Variants in PTPN21 observed in about 807,000 individuals in gnomAD.
PTPN21 encodes protein tyrosine phosphatase non-receptor type 21, also known as tyrosine-protein phosphatase non-receptor type 21.
In PTPN21, 77 loss-of-function variants were observed where a neutral mutation model predicts 131.8. The observed-to-expected ratio is 0.58, with a 90% confidence interval of 0.49 to 0.71. The LOEUF (loss-of-function observed/expected upper bound fraction) is 0.71, where lower values mean the gene tolerates loss of function less well. PTPN21 is among the 30% of genes least tolerant of loss of function. The pLI, the probability that PTPN21 is intolerant of heterozygous loss-of-function variation, is 0.00. For missense variants in PTPN21, 1,552 were observed against 1,527.1 expected (o/e 1.02, Z -0.27); for synonymous variants, 715 against 621.3 (o/e 1.15, Z -2.24).
intron 2 of PTPN21, among the ~76,000 whole-genome samples, chr14:88,537,078 T>C (rs755511012): frequency 9.2e-5 from 14 of 152,218 alleles, no homozygotes; most frequent in Non-Finnish European, 2.1e-4. Flanking sequence ...AAATAATATA[T>C]ATTTTACAGC....
At chr14:88,522,656 G>A (rs1310084858) in intron 2 of PTPN21, among the ~76,000 whole-genome samples, 1 of 152,050 alleles carries the variant, frequency 6.6e-6, no homozygotes, top group East Asian at 1.9e-4. Context: ...GTGAAAGCTA[G>A]CCAAAAATCA....
intron 13 of PTPN21, among the ~76,000 whole-genome samples, chr14:88,474,131 CAAAAAAAAAAAAAA>C (rs754719071): frequency 6.4e-4 from 30 of 46,680 alleles, no homozygotes; most frequent in Non-Finnish European, 7.3e-4. Context: ...AGCTGAAGTC[CAAAAAAAAAAAAAA>C]AAAAAAAAAA....
chr14:88,539,833 A>G lies in PTPN21; in HGVS notation c.180+10405T>C, dbSNP rs186232021. 7.9e-5 allele frequency among the ~76,000 whole-genome samples: 12 copies of G among 152,308 alleles called. No homozygotes were observed. In the East Asian group the frequency reaches 2.3e-3, roughly 29 times the overall value. On this transcript the variant is annotated intron_variant, in intron 2 of 18. Coordinates refer to ENST00000556564, the MANE Select transcript of PTPN21 (RefSeq NM_007039.4). ...ATTTTAGACATATTCACTATTAAAC[A>G]TGCTTCATTTTTCTGTTATCATACT... is the stretch of plus-strand genomic sequence containing the variant.
At chr14:88,505,563 T>A (rs987652863) in intron 4 of PTPN21, among the ~76,000 whole-genome samples, 192 bp from the exon 5 acceptor site, 1 of 152,194 alleles carries the variant, frequency 6.6e-6, no homozygotes, top group Non-Finnish European at 1.5e-5. Flanking sequence ...GAGTCTTGGC[T>A]TGGAAAAATG....
chr14:88,544,723 A>G (rs1455370796), intron 2 of PTPN21, among the ~76,000 whole-genome samples: 1 of 152,184 alleles, frequency 6.6e-6, no homozygotes, highest in Non-Finnish European at 1.5e-5. Flanking sequence ...CAGGCACTGA[A>G]GCACCACTGA....
At position 88,513,324 on chromosome 14, in the gene PTPN21, T is replaced by G. The variant is rs559941309; in HGVS notation, c.350+3768A>C. ...GGATTACAGGCGTGCGCCACCACAC[T>G]CGGCTCATTTTTGTATTTTTAGTAG... On this transcript the variant is annotated intron_variant, in intron 3 of 18. Coordinates refer to ENST00000556564, the MANE Select transcript of PTPN21 (RefSeq NM_007039.4). Among the ~76,000 whole-genome samples the G allele has an allele frequency of 3.0e-4, 46 of 152,120 alleles. 1 individual carries two copies. Among genetic ancestry groups the G allele is most frequent in the African/African-American group, 1.1e-3 (45 of 41,506 alleles).
At position 88,469,502 on chromosome 14, in the gene PTPN21, A is replaced by G. The variant is rs1171882301; in HGVS notation, c.3232T>C (p.Leu1078=). Residue 1078 remains leucine (L), a synonymous_variant, in exon 17 of 19, where the codon TTA becomes CTA. Transcript: ENST00000556564. This position sits in a 1 kb window ranked among gnomAD's most constrained non-coding sequence, Gnocchi z 4.3. The part of the protein sequence containing the change: ...HGCPEDLKGF[L]SYLEEIQSVR... ...GAACAAAGTTAAAGTCACTCACATA[A>G]AAATCCCTTGAGGTCTTCTGGACAG... is the stretch of plus-strand genomic sequence containing the variant. 1 of 1,610,930 alleles carries G rather than the reference A, an allele frequency of 6.2e-7. No individual in the cohort carries two copies. Among genetic ancestry groups the G allele is most frequent in the Non-Finnish European group, 8.5e-7 (1 of 1,177,220 alleles).
chr14:88,516,087 A>G (rs2078264552), intron 3 of PTPN21, among the ~76,000 whole-genome samples: 1 of 152,236 alleles, frequency 6.6e-6, no homozygotes. Context: ...TGTGTAAGAT[A>G]TCATTAAGTA....
intron 13 of PTPN21, among the ~76,000 whole-genome samples, chr14:88,475,992 TGTGA>T (rs2077542379): frequency 6.6e-6 from 1 of 152,220 alleles, no homozygotes; most frequent in South Asian, 2.1e-4. Context: ...TGATTTCTTA[TGTGA>T]GAACCACTGC....
At chr14:88,531,791 T>C (rs1267505995) in intron 2 of PTPN21, among the ~76,000 whole-genome samples, 1 of 151,352 alleles carries the variant, frequency 6.6e-6, no homozygotes, top group African/African-American at 2.4e-5. Context: ...CCAAATGAAA[T>C]TGAAACAAAA....
chr14:88,491,360 C>T (rs2077821508), intron 10 of PTPN21, among the ~76,000 whole-genome samples: 1 of 152,182 alleles, frequency 6.6e-6, no homozygotes, highest in Non-Finnish European at 1.5e-5. Flanking sequence ...CCTGGGATTA[C>T]AGTTCCCCTT....
intron 5 of PTPN21, 73 bp from the exon 6 acceptor site, chr14:88,504,568 T>C (rs2078059951): frequency 8.0e-7 from 1 of 1,246,954 alleles, no homozygotes; most frequent in Non-Finnish European, 1.2e-6. Context: ...GGCCATTGAC[T>C]GTTAATGACT....
chr14:88,517,038 T>G (rs1380065059), intron 3 of PTPN21, 54 bp downstream of exon 3: 9 of 1,575,510 alleles, frequency 5.7e-6, no homozygotes, highest in Non-Finnish European at 6.9e-6. Context: ...TTAGTTTCAC[T>G]TTTTACATCT....
At chr14:88,531,256 C>T (rs2078552161) in intron 2 of PTPN21, among the ~76,000 whole-genome samples, 1 of 152,052 alleles carries the variant, frequency 6.6e-6, no homozygotes, top group South Asian at 2.1e-4. Context: ...AGTGACACAA[C>T]CTATAAAACC....
intron 2 of PTPN21, among the ~76,000 whole-genome samples, chr14:88,523,487 A>G (rs1217181340): frequency 6.6e-6 from 1 of 152,156 alleles, no homozygotes; most frequent in African/African-American, 2.4e-5. Flanking sequence ...CCCACAGCTA[A>G]TATCATACTC....
chr14:88,522,548 G>A (rs1468243211), intron 2 of PTPN21, among the ~76,000 whole-genome samples: 2 of 151,966 alleles, frequency 1.3e-5, no homozygotes, highest in African/African-American at 4.8e-5. Flanking sequence ...AGCTTGTCAA[G>A]GATAGATTGT....
intron 12 of PTPN21, among the ~76,000 whole-genome samples, chr14:88,480,799 C>A (rs2077643090): frequency 6.6e-6 from 1 of 152,048 alleles, no homozygotes; most frequent in Admixed American, 6.6e-5. Context: ...TTGTTCTTCC[C>A]AAATGAATAT....
intron 2 of PTPN21, among the ~76,000 whole-genome samples, chr14:88,524,386 T>A (rs1397998683): frequency 6.6e-6 from 1 of 152,136 alleles, no homozygotes; most frequent in African/African-American, 2.4e-5. Flanking sequence ...AATACTCTCT[T>A]CAGCAAATGG....
chr14:88,545,246 G>A (rs1289205762), intron 2 of PTPN21, among the ~76,000 whole-genome samples: 3 of 152,140 alleles, frequency 2.0e-5, no homozygotes, highest in Non-Finnish European at 4.4e-5. Flanking sequence ...GAAAATCTTG[G>A]CCTAGGCAGA....
Sources: allele counts gnomAD v4.1 joint callset (sites outside exome capture counted in the v4.1 genomes callset), GRCh38; gene constraint gnomAD v4.1.1; non-coding constraint Gnocchi (gnomAD v3.1); transcripts MANE v1.5; gene names NCBI Gene and HGNC (gene_info 2026-07-23, HGNC 2026-07-21).